The following SDK1 variants were observed in gnomAD, a reference collection of about 807,000 sequenced individuals.
SDK1 encodes protein sidekick-1.
SDK1 carries 157 observed loss-of-function variants against 245.5 expected under a neutral mutation model. That is an observed-to-expected ratio of 0.64 (90% CI 0.56 to 0.73). The LOEUF is 0.73. SDK1 is among the 30% of genes least tolerant of loss of function. SDK1 has a pLI of 0.00. For synonymous variants in SDK1, 1,647 were observed against 1,278.5 expected (o/e 1.29, Z -6.15); for missense variants, 3,583 against 3,002.3 (o/e 1.19, Z -4.52).
At chr7:3,597,752 A>G (rs1471611681) in intron 1 of SDK1, among the ~76,000 whole-genome samples, 3 of 152,192 alleles carry the variant, frequency 2.0e-5, no homozygotes, top group Non-Finnish European at 4.4e-5. Context: ...AATACAGTAC[A>G]GACAGTTTTG....
chr7:3,744,780 C>G (rs1012203697), intron 4 of SDK1, among the ~76,000 whole-genome samples: 16 of 151,736 alleles, frequency 1.1e-4, no homozygotes, highest in African/African-American at 3.9e-4. Flanking sequence ...CCAATGCACT[C>G]CAGCCTGGGC....
intron 28 of SDK1, among the ~76,000 whole-genome samples, chr7:4,143,812 C>T (rs548028347): frequency 1.3e-5 from 2 of 152,316 alleles, no homozygotes; most frequent in African/African-American, 2.4e-5. Context: ...CGCTGGGGAC[C>T]CATCTTGGAG....
intron 18 of SDK1, among the ~76,000 whole-genome samples, chr7:4,050,096 G>A (rs779709625): frequency 6.6e-6 from 1 of 152,148 alleles, no homozygotes; most frequent in Non-Finnish European, 1.5e-5. Flanking sequence ...ATTTGGGAGC[G>A]CACCTTGATT....
rs115766906 is a variant in SDK1 at position 3,987,363 on chromosome 7, G to C, written c.2131+41G>C. On this transcript the variant is annotated intron_variant, in intron 14 of 44. Transcript: ENST00000404826. Reference sequence around the variant, plus strand: ...AAACTGTCACCATGGACGATAATCAGATTTTTGTGTGTGCTCTTAATGTCC... The same window carrying C: ...AAACTGTCACCATGGACGATAATCACATTTTTGTGTGTGCTCTTAATGTCC... The C allele has an allele frequency of 3.1e-5, 49 of 1,605,314 alleles. No individual in the cohort carries two copies. In the East Asian group the frequency reaches 1.1e-3, roughly 35 times the overall value.
chr7:4,147,290 C>A (rs746545614), intron 29 of SDK1, among the ~76,000 whole-genome samples: 5 of 152,174 alleles, frequency 3.3e-5, no homozygotes, highest in Non-Finnish European at 7.4e-5. Context: ...AAGCAATGCT[C>A]CCACCTCAGC....
chr7:3,396,832 C>G lies in SDK1; in HGVS notation c.298+94948C>G, dbSNP rs7784113. ...AATCTGCACCTTTTGATTAGATGGT[C>G]TAATTCATTTATATTTATTTATATT... On this transcript the variant is annotated intron_variant, in intron 1 of 44. Coordinates refer to ENST00000404826, the MANE Select transcript of SDK1 (RefSeq NM_152744.4). Among the ~76,000 whole-genome samples, 692 of 151,594 alleles carry G rather than the reference C, an allele frequency of 4.6e-3. 8 individuals are homozygous for G. The highest frequency in any genetic ancestry group is 0.015 in the African/African-American group (635 of 41,470).
chr7:3,309,038 A>G lies in SDK1; in HGVS notation c.298+7154A>G, dbSNP rs530769016. 2.6e-5 allele frequency among the ~76,000 whole-genome samples: 4 copies of G among 152,272 alleles called. No individual in the cohort carries two copies. In the South Asian group the frequency reaches 8.3e-4, roughly 32 times the overall value. ...GCTAATTAGAATATATTTCAGTTTT[A>G]GAGTAAGGAGGGATTTTGTATCATA... is the stretch of plus-strand genomic sequence containing the variant. On this transcript the variant is annotated intron_variant, in intron 1 of 44. Transcript: ENST00000404826.
chr7:3,975,460 A>G (rs1200760140), intron 13 of SDK1, among the ~76,000 whole-genome samples: 2 of 152,134 alleles, frequency 1.3e-5, no homozygotes, highest in African/African-American at 2.4e-5. Flanking sequence ...AAGATTCTGT[A>G]TTCAAAATCA....
chr7:3,585,493 G>T (rs1160918358), intron 1 of SDK1, among the ~76,000 whole-genome samples: 1 of 152,096 alleles, frequency 6.6e-6, no homozygotes, highest in Non-Finnish European at 1.5e-5. Context: ...AGAAGGAGGC[G>T]CTCTTGATAA....
chr7:4,093,231 A>G (rs916890407), intron 22 of SDK1, among the ~76,000 whole-genome samples: 2 of 152,138 alleles, frequency 1.3e-5, no homozygotes, highest in African/African-American at 4.8e-5. Flanking sequence ...ATGGTGCACC[A>G]TAAAAGGGAG....
chr7:3,383,913 TC>T (rs1371526308), intron 1 of SDK1, among the ~76,000 whole-genome samples: 1 of 152,178 alleles, frequency 6.6e-6, no homozygotes, highest in Non-Finnish European at 1.5e-5. Context: ...CTGGAGTCAA[TC>T]TTATGGGTCA....
At chr7:4,010,382 G>A (rs887771902) in intron 14 of SDK1, among the ~76,000 whole-genome samples, 4 of 152,140 alleles carry the variant, frequency 2.6e-5, no homozygotes, top group African/African-American at 9.7e-5. Flanking sequence ...ACACCTGCTG[G>A]AAAGCTGGGT....
At chr7:4,056,647 C>T (rs1779221010) in intron 19 of SDK1, among the ~76,000 whole-genome samples, 1 of 152,122 alleles carries the variant, frequency 6.6e-6, no homozygotes, top group South Asian at 2.1e-4. Context: ...CCCCTCAAAA[C>T]TCACAGGCCC....
intron 5 of SDK1, among the ~76,000 whole-genome samples, chr7:3,822,316 G>C (rs1451540894): frequency 6.6e-6 from 1 of 152,152 alleles, no homozygotes; most frequent in East Asian, 1.9e-4. Flanking sequence ...ATTGTCATGC[G>C]GTTGAGAAAA....
intron 5 of SDK1, among the ~76,000 whole-genome samples, chr7:3,861,260 G>A (rs1436984413): frequency 2.6e-5 from 4 of 152,152 alleles, no homozygotes; most frequent in African/African-American, 9.7e-5. Flanking sequence ...GTGAAGCGCC[G>A]TGCAAAAAGA....
At chr7:3,931,286 A>G (rs372547815) in intron 5 of SDK1, among the ~76,000 whole-genome samples, 41 of 152,342 alleles carry the variant, frequency 2.7e-4, no homozygotes, top group Non-Finnish European at 5.4e-4. Context: ...GAAATATTCT[A>G]TCAGTCTGGG....
At chr7:3,885,477 G>A (rs184517201) in intron 5 of SDK1, among the ~76,000 whole-genome samples, 6 of 152,058 alleles carry the variant, frequency 3.9e-5, no homozygotes, top group Admixed American at 6.5e-5. Flanking sequence ...CTGTGCTTTC[G>A]GTACACGTGT....
chr7:3,511,804 T>TC (rs1209028449), intron 1 of SDK1, among the ~76,000 whole-genome samples: 1 of 150,644 alleles, frequency 6.6e-6, no homozygotes, highest in Non-Finnish European at 1.5e-5. Flanking sequence ...TTTTTGTTTT[T>TC]TTTTAACTTT....
intron 4 of SDK1, among the ~76,000 whole-genome samples, chr7:3,698,672 C>T (rs1226347987): frequency 1.3e-5 from 2 of 152,142 alleles, no homozygotes; most frequent in African/African-American, 4.8e-5. Context: ...AAGGTGCTGG[C>T]CAGCTCATTT....
Sources: gnomAD v4.1 joint callset for allele counts (sites outside exome capture counted in the v4.1 genomes callset) on GRCh38, gnomAD v4.1.1 for gene constraint, MANE v1.5 for transcripts, NCBI Gene and HGNC (gene_info 2026-07-23, HGNC 2026-07-21) for gene names.